Variants in PTCD3 observed in about 807,000 individuals in gnomAD.
PTCD3 encodes pentatricopeptide repeat domain 3, also known as small ribosomal subunit protein mS39.
Under a neutral mutation model 101.9 loss-of-function variants are expected in PTCD3, and 89 were observed. The observed-to-expected ratio is 0.87, with a 90% CI of 0.74 to 1.04. The LOEUF is 1.04. PTCD3 is among the 50% of genes least tolerant of loss of function. The pLI, the probability that PTCD3 is intolerant of heterozygous loss-of-function variation, is 0.00. For missense variants in PTCD3, 870 were observed against 828.2 expected (o/e 1.05, Z -0.62); for synonymous variants, 296 against 278.5 (o/e 1.06, Z -0.63).
intron 1 of PTCD3, among the ~76,000 whole-genome samples, chr2:86,106,929 C>T (rs1169410138): frequency 6.6e-6 from 1 of 151,948 alleles, no homozygotes; most frequent in Non-Finnish European, 1.5e-5. Flanking sequence ...ATATGAGAGG[C>T]AGTAATTTGT....
At chr2:86,128,629 G>A (rs1176659131) in intron 14 of PTCD3, among the ~76,000 whole-genome samples, 1 of 152,174 alleles carries the variant, frequency 6.6e-6, no homozygotes, top group Non-Finnish European at 1.5e-5. Flanking sequence ...TTCTGCTCCA[G>A]AGGAAAGGTA....
At chr2:86,126,095 T>A (rs1674381743) in intron 12 of PTCD3, among the ~76,000 whole-genome samples, 2 of 151,982 alleles carry the variant, frequency 1.3e-5, no homozygotes, top group African/African-American at 2.4e-5. Flanking sequence ...CTGGGCGTGG[T>A]GGTGCACGCC....
chr2:86,121,592 T>G lies in PTCD3; in HGVS notation c.652T>G (p.Leu218Val), dbSNP rs1674283180. The change falls in exon 8 of 24, where the codon TTG becomes GTG. Residue 218 changes from leucine (L) to valine (V), a missense_variant and splice_region_variant. Physicochemically the swap from Leu to Val is conservative, Grantham distance 32. Coordinates refer to ENST00000254630, the MANE Select transcript of PTCD3 (RefSeq NM_017952.6). ...TCAACAAACTGGACAGTCAGAAGCA[T>G]TGGTAATAACTGTTGGCCTTGATTT... is the stretch of plus-strand genomic sequence containing the variant. ...HFQQTGQSEA[L>V]EEENDETSRR... 1 of 1,587,772 alleles carries G rather than the reference T, an allele frequency of 6.3e-7. No homozygotes were observed. Among genetic ancestry groups the G allele is most frequent in the Admixed American group, 1.8e-5 (1 of 56,118 alleles).
chr2:86,135,015 T>C (rs746625445), intron 21 of PTCD3, 28 bp downstream of exon 21: 2 of 1,578,544 alleles, frequency 1.3e-6, no homozygotes, highest in South Asian at 2.3e-5. Flanking sequence ...AGTATACACT[T>C]TAGAAGCTTT....
chr2:86,118,873 C>G, intron 6 of PTCD3, 48 bp from the exon 7 acceptor site: 9 of 1,581,550 alleles, frequency 5.7e-6, no homozygotes, highest in Non-Finnish European at 6.9e-6. Context: ...GTTATCCTTC[C>G]CTCACCTTTA....
intron 20 of PTCD3, 145 bp from the exon 21 acceptor site, chr2:86,134,694 T>C: frequency 1.0e-6 from 1 of 971,828 alleles, no homozygotes. Flanking sequence ...GGTCCTTTTT[T>C]TATTAAATTA....
At chr2:86,126,856 A>T (rs1297507578) in intron 12 of PTCD3, among the ~76,000 whole-genome samples, 1 of 151,666 alleles carries the variant, frequency 6.6e-6, no homozygotes, top group Non-Finnish European at 1.5e-5. Context: ...AAAAAAACCA[A>T]CCACTTTTTT....
chr2:86,130,837 ATT>A (rs35886251), intron 15 of PTCD3, 100 bp downstream of exon 15: 9,540 of 1,312,344 alleles, frequency 7.3e-3, no homozygotes, highest in African/African-American at 0.03. Flanking sequence ...GCTTAGAAGT[ATT>A]TTTTTTTTTT....
intron 8 of PTCD3, among the ~76,000 whole-genome samples, chr2:86,122,856 C>T (rs1674316349): frequency 6.6e-6 from 1 of 152,236 alleles, no homozygotes; most frequent in Non-Finnish European, 1.5e-5. Flanking sequence ...GCTCTTGAGG[C>T]AGCAGGCTAC....
intron 14 of PTCD3, among the ~76,000 whole-genome samples, chr2:86,128,730 G>C (rs1410070429): frequency 6.6e-6 from 1 of 152,176 alleles, no homozygotes; most frequent in East Asian, 1.9e-4. Flanking sequence ...CTCTGTAGTA[G>C]ATGGACTTTG....
chr2:86,113,502 A>C (rs1674125729), intron 4 of PTCD3, among the ~76,000 whole-genome samples: 1 of 152,190 alleles, frequency 6.6e-6, no homozygotes, highest in African/African-American at 2.4e-5. Flanking sequence ...ATATTAAACT[A>C]CATCTAAAAA....
Position 86,117,242 on chromosome 2 carries a change from G to A in PTCD3, c.414+83G>A, listed in dbSNP as rs1244168192. 2.0e-5 allele frequency: 12 copies of A among 607,060 alleles called. 1 individual carries two copies. The East Asian group carries it at 3.4e-4, about 17-fold the overall frequency. 37.6% of individuals were successfully genotyped at this position (607,060 alleles called of 1,614,324 possible). On this transcript the variant is annotated intron_variant, in intron 6 of 23. Transcript: ENST00000254630. ...GGCTTTCATGGCTAATATTTCAGTA[G>A]CTATTTGAATACCCTCAATATTTGG... is the stretch of plus-strand genomic sequence containing the variant.
At chr2:86,108,282 A>C in intron 1 of PTCD3, 68 bp from the exon 2 acceptor site, 2 of 1,534,238 alleles carry the variant, frequency 1.3e-6, no homozygotes, top group Non-Finnish European at 1.8e-6. Flanking sequence ...CTCAAAGTAC[A>C]CATAGGTGGA....
At chr2:86,110,747 A>G (rs1674063343) in intron 3 of PTCD3, among the ~76,000 whole-genome samples, 2 of 152,242 alleles carry the variant, frequency 1.3e-5, no homozygotes, top group Non-Finnish European at 1.5e-5. Flanking sequence ...AACTGAATCA[A>G]GAGCTACCAA....
At chr2:86,116,252 T>G (rs1674175396) in intron 4 of PTCD3, among the ~76,000 whole-genome samples, 1 of 152,228 alleles carries the variant, frequency 6.6e-6, no homozygotes, top group African/African-American at 2.4e-5. Flanking sequence ...GAAAGACTTG[T>G]GGGCTGGATA....
At chr2:86,106,476 G>A (rs1673951419) in intron 1 of PTCD3, 125 bp downstream of exon 1, 2 of 916,730 alleles carry the variant, frequency 2.2e-6, no homozygotes, top group Admixed American at 5.3e-5. Context: ...ACGGTCGCGT[G>A]CCCTTAAGAC....
chr2:86,126,369 TAAG>T (rs796320809), intron 12 of PTCD3, among the ~76,000 whole-genome samples: 2 of 152,170 alleles, frequency 1.3e-5, no homozygotes, highest in African/African-American at 4.8e-5. Flanking sequence ...GTCTGGCACA[TAAG>T]AAGAAAAAGT....
At chr2:86,136,658 T>C in intron 22 of PTCD3, 96 bp downstream of exon 22, 1 of 1,394,772 alleles carries the variant, frequency 7.2e-7, no homozygotes, top group Non-Finnish European at 1.0e-6. Context: ...TTGGGCACTC[T>C]TCTGTTAGGC....
In PTCD3 at chr2:86,140,815, A is replaced by G. The variant is rs1674669160; in HGVS notation, c.*3256A>G. On this transcript the variant is annotated 3_prime_UTR_variant, in exon 24 of 24. Transcript: ENST00000254630. ...CTGTCCAGGCCAGGCACAGTGGCTC[A>G]CACCTGTAATCCCAGGACTTCGGGA... The G allele has an allele frequency of 6.6e-6, 1 of 151,224 alleles. No individual in the cohort carries two copies. Among genetic ancestry groups the G allele is most frequent in the South Asian group, 2.1e-4 (1 of 4,770 alleles). The allele number at this position is 151,224 out of a possible 1,614,324, so 9.4% of individuals were successfully genotyped here. A position where few individuals can be genotyped will look rare whatever the true frequency, so the allele number is the denominator to read the frequency against.
Sources: gnomAD v4.1 joint callset for allele counts (sites outside exome capture counted in the v4.1 genomes callset) on GRCh38, gnomAD v4.1.1 for gene constraint, MANE v1.5 for transcripts, NCBI Gene and HGNC (gene_info 2026-07-23, HGNC 2026-07-21) for gene names.